DGKD: variants seen among roughly 807,000 people sequenced by gnomAD.
DGKD encodes DAG kinase delta.
Under a neutral mutation model 154.4 loss-of-function variants are expected in DGKD, and 68 were observed. The observed-to-expected ratio is 0.44, with a 90% CI of 0.36 to 0.54. DGKD has a LOEUF of 0.54. Ranked by LOEUF, DGKD falls within the 20% of genes least tolerant of loss-of-function variation. The probability of loss-of-function intolerance (pLI) is 0.00; values close to 1 mark genes in which losing one functional copy is unlikely to be tolerated. For synonymous variants in DGKD, 693 were observed against 638.0 expected (o/e 1.09, Z -1.30); for missense variants, 1,343 against 1,593.6 (o/e 0.84, Z 2.68).
At chr2:233,421,854 T>G (rs1463936910) in intron 3 of DGKD, among the ~76,000 whole-genome samples, 1 of 152,236 alleles carries the variant, frequency 6.6e-6, no homozygotes, top group East Asian at 1.9e-4. Flanking sequence ...AGGAATCTTT[T>G]CTGTTTGCTC....
At chr2:233,418,530 T>TA (rs936458409) in intron 3 of DGKD, among the ~76,000 whole-genome samples, 2 of 152,228 alleles carry the variant, frequency 1.3e-5, no homozygotes, top group South Asian at 2.1e-4. Flanking sequence ...TATGGGTTTC[T>TA]AAAAAAATAA....
chr2:233,452,108 A>G lies in DGKD; in HGVS notation c.2264+48A>G. 1.3e-6 allele frequency: 2 copies of G among 1,522,100 alleles called. No homozygotes were observed. Among genetic ancestry groups the G allele is most frequent in the Non-Finnish European group, 1.8e-6 (2 of 1,096,976 alleles). The allele number at this position is 1,522,100 out of a possible 1,614,324, so 94.3% of individuals were successfully genotyped here. On this transcript the variant is annotated intron_variant, in intron 18 of 29. Coordinates refer to ENST00000264057, the MANE Select transcript of DGKD (RefSeq NM_152879.3). This position sits in a 1 kb window ranked among gnomAD's most constrained non-coding sequence, Gnocchi z 4.0. ...GTGGGCATATTGTTACATGGCTGCT[A>G]GTGCATAGAAAACAGATCTCAGGAT...
chr2:233,450,194 G>A, intron 16 of DGKD, 63 bp downstream of exon 16: 1 of 1,502,514 alleles, frequency 6.7e-7, no homozygotes, highest in Non-Finnish European at 8.9e-7. Flanking sequence ...AGACGTAGCG[G>A]GCTTGCCAGG....
chr2:233,464,697 C>A (rs1013036115), intron 27 of DGKD, among the ~76,000 whole-genome samples: 1 of 152,242 alleles, frequency 6.6e-6, no homozygotes, highest in Non-Finnish European at 1.5e-5. Context: ...CACTCTCTTC[C>A]TGTGTGAACA....
intron 1 of DGKD, among the ~76,000 whole-genome samples, chr2:233,385,600 C>T (rs1279079699): frequency 6.6e-6 from 1 of 152,156 alleles, no homozygotes; most frequent in Non-Finnish European, 1.5e-5. Context: ...GGGGCCTGGC[C>T]CTTTCACTCC....
chr2:233,463,059 A>G (rs1427394390), intron 26 of DGKD, among the ~76,000 whole-genome samples: 2 of 152,140 alleles, frequency 1.3e-5, no homozygotes, highest in Non-Finnish European at 2.9e-5. Context: ...GGCACCTTCC[A>G]TGCTCAGCCC....
intron 3 of DGKD, among the ~76,000 whole-genome samples, chr2:233,426,842 A>G (rs936844476): frequency 6.6e-6 from 1 of 152,190 alleles, no homozygotes; most frequent in African/African-American, 2.4e-5. Flanking sequence ...AGCACTTGAT[A>G]CTGTCTGTTA....
intron 3 of DGKD, among the ~76,000 whole-genome samples, chr2:233,426,399 G>A (rs1244187378): frequency 1.3e-5 from 2 of 152,162 alleles, no homozygotes; most frequent in South Asian, 2.1e-4. Flanking sequence ...CATTACAGAC[G>A]CACAGCTTGA....
At chr2:233,369,893 C>T (rs535273016) in intron 1 of DGKD, among the ~76,000 whole-genome samples, 1 of 152,270 alleles carries the variant, frequency 6.6e-6, no homozygotes, top group South Asian at 2.1e-4. Flanking sequence ...GGGTGTCTGC[C>T]TCCCTTTCCC....
intron 3 of DGKD, among the ~76,000 whole-genome samples, chr2:233,427,255 T>C (rs914102221): frequency 6.6e-6 from 1 of 152,114 alleles, no homozygotes; most frequent in Non-Finnish European, 1.5e-5. Flanking sequence ...GCTCCTTCTC[T>C]TGGTGGGACG....
intron 1 of DGKD, among the ~76,000 whole-genome samples, chr2:233,362,213 A>G (rs73106630): frequency 0.11 from 16,428 of 152,264 alleles, 1,166 homozygotes; most frequent in African/African-American, 0.2. Flanking sequence ...AGCTCAGAAG[A>G]AAATACCCAC....
chr2:233,409,268 GTTAA>G (rs1195210574), intron 3 of DGKD, among the ~76,000 whole-genome samples: 1 of 152,206 alleles, frequency 6.6e-6, no homozygotes, highest in African/African-American at 2.4e-5. Flanking sequence ...TAGCGTACTT[GTTAA>G]TTGTCTTTAT....
intron 3 of DGKD, 106 bp downstream of exon 3, chr2:233,390,589 C>T (rs1378334178): frequency 7.7e-6 from 6 of 774,638 alleles, no homozygotes; most frequent in South Asian, 1.8e-5. Context: ...TCTTTTCTTA[C>T]TGATTGGAAT....
rs1396184210 is a variant in DGKD at position 233,434,840 on chromosome 2, C to T, written c.525C>T (p.Thr175=). Residue 175 remains threonine, a synonymous_variant, in exon 5 of 30, where the codon ACC becomes ACT. Transcript: ENST00000264057. The part of the protein sequence containing the change: ...NWYACSHARP[T]YCNVCREALS... ...ACGCCTGTTCCCACGCGAGGCCGAC[C>T]TACTGCAATGTGTGCCGTGAGGCTC... 3.7e-6 allele frequency: 6 copies of T among 1,614,242 alleles called. No individual in the cohort carries two copies. The highest frequency in any genetic ancestry group is 5.1e-6 in the Non-Finnish European group (6 of 1,180,048).
rs556041910 is a variant in DGKD, at chr2:233,449,912, C to T, written c.1889-70C>T. On this transcript the variant is annotated intron_variant, in intron 15 of 29. Transcript: ENST00000264057. The surrounding 1 kb of genome is among the most constrained non-coding windows in gnomAD (Gnocchi z 5.3). ...GGCCGTGGGGTGAGGATGAGGGGCC[C>T]TCCACCCAGCCTGACAGCGCCCTTG... 4 of 1,503,624 alleles carry T rather than the reference C, an allele frequency of 2.7e-6. No individual in the cohort carries two copies. The highest frequency in any genetic ancestry group is 2.8e-5 in the African/African-American group (2 of 71,728). 93.1% of individuals were successfully genotyped at this position (1,503,624 alleles called of 1,614,324 possible).
intron 3 of DGKD, among the ~76,000 whole-genome samples, chr2:233,433,735 C>A (rs1053098980): frequency 1.3e-5 from 2 of 151,978 alleles, no homozygotes; most frequent in African/African-American, 2.4e-5. Flanking sequence ...TTAAAAAGAA[C>A]GTTGATGTAT....
rs200691034 is a variant in DGKD, at chr2:233,460,386, A to G, written c.2981+41A>G. 1.2e-5 allele frequency: 20 copies of G among 1,608,220 alleles called. No individual in the cohort carries two copies. The East Asian group carries it at 2.9e-4, about 23-fold the overall frequency. Reference sequence around the variant, plus strand: ...TCTGCGTTGCGCATGAGCCTCCCCCAGGGTCCCTGGGACTGCACTCTTCCA... The same window carrying G: ...TCTGCGTTGCGCATGAGCCTCCCCCGGGGTCCCTGGGACTGCACTCTTCCA... On this transcript the variant is annotated intron_variant, in intron 24 of 29. Coordinates refer to ENST00000264057, the MANE Select transcript of DGKD (RefSeq NM_152879.3).
rs192493519 is a variant in DGKD at position 233,356,932 on chromosome 2, A to G, written c.156+2258A>G. On this transcript the variant is annotated intron_variant, in intron 1 of 29. Transcript: ENST00000264057. ...TAGCAGTCTGAGTCTAAAAAGAAAA[A>G]CAGAACTCACCTTAAGTATTTGGAA... Among the ~76,000 whole-genome samples, 290 of 152,312 alleles carry G rather than the reference A, an allele frequency of 1.9e-3. 1 individual carries two copies. The highest frequency in any genetic ancestry group is 3.3e-3 in the Non-Finnish European group (226 of 68,028).
At chr2:233,422,087 G>C (rs1224626247) in intron 3 of DGKD, among the ~76,000 whole-genome samples, 3 of 152,234 alleles carry the variant, frequency 2.0e-5, no homozygotes, top group Admixed American at 2.0e-4. Context: ...CCAGTGGGCT[G>C]TGGGGCTGCA....
Sources: gnomAD v4.1 joint callset for allele counts (sites outside exome capture counted in the v4.1 genomes callset) on GRCh38, gnomAD v4.1.1 for gene constraint, Gnocchi (gnomAD v3.1) non-coding constraint, MANE v1.5 for transcripts, NCBI Gene and HGNC (gene_info 2026-07-23, HGNC 2026-07-21) for gene names.